HK1: variants seen among roughly 807,000 people sequenced by gnomAD.
The protein encoded by HK1 is hexokinase-1.
A neutral mutation model predicts 91.6 loss-of-function variants in HK1; 28 were observed. The ratio of observed to expected loss-of-function variants is 0.31; its 90% confidence interval spans 0.23 to 0.42. The LOEUF (loss-of-function observed/expected upper bound fraction) is 0.42. Among genes scored for constraint, HK1 ranks in the 10% least tolerant of loss-of-function variants. The pLI, the probability that HK1 is intolerant of heterozygous loss-of-function variation, is 1.00. For synonymous variants in HK1, 430 were observed against 468.1 expected, an observed-to-expected ratio of 0.92 and a Z score of 1.05; for missense variants, 770 against 1,219.8, an observed-to-expected ratio of 0.63 and a Z score of 5.49.
At chr10:69,329,289 A>C (rs1457756964) in intron 1 of HK1, among the ~76,000 whole-genome samples, 5 of 151,804 alleles carry the variant, frequency 3.3e-5, no homozygotes, top group African/African-American at 1.2e-4. Flanking sequence ...CAGCCTCCCA[A>C]GTAGCTGGGA....
upstream of HK1, among the ~76,000 whole-genome samples, chr10:69,314,917 C>T (rs1589469451): frequency 6.6e-6 from 1 of 152,194 alleles, no homozygotes; most frequent in South Asian, 2.1e-4. Context: ...CCTCCCACCT[C>T]AGCCTCCCAA....
intron 2 of HK1, among the ~76,000 whole-genome samples, chr10:69,285,673 G>C (rs1462272915): frequency 2.0e-5 from 3 of 152,094 alleles, no homozygotes; most frequent in African/African-American, 7.2e-5. Context: ...AGGGAGAGAG[G>C]GGCACAGTTC....
At chr10:69,391,050 A>C (rs1839873966) in intron 14 of HK1, among the ~76,000 whole-genome samples, 1 of 152,118 alleles carries the variant, frequency 6.6e-6, no homozygotes, top group Non-Finnish European at 1.5e-5. Context: ...TTCTATTTTG[A>C]GTGACTCTGC....
At chr10:69,281,510 C>A (rs10998691) in intron 1 of HK1, among the ~76,000 whole-genome samples, 18,316 of 152,278 alleles carry the variant, frequency 0.12, 1,468 homozygotes, top group Middle Eastern at 0.19. Flanking sequence ...TGACTTAGAC[C>A]AATGTGTCCC....
Position 69,295,661 on chromosome 10 carries a change from A to G in HK1, c.-86A>G. 3 of 1,607,414 alleles carry G rather than the reference A, an allele frequency of 1.9e-6. No individual in the cohort carries two copies. In the South Asian group the frequency reaches 3.3e-5, roughly 18 times the overall value. The stretch of plus-strand genomic sequence containing the variant: ...ACAGCAGCTGAAAAACCAAAACTTC[A>G]TCTACTTGCTGAAAGTGAGGTAAGA... On this transcript the variant is annotated 5_prime_UTR_variant, in exon 4 of 22. Coordinates refer to the HK1 transcript ENST00000360289.
chr10:69,317,028 T>A (rs1283674439), upstream of HK1, among the ~76,000 whole-genome samples: 1 of 152,190 alleles, frequency 6.6e-6, no homozygotes, highest in East Asian at 1.9e-4. Flanking sequence ...CCAGGGCAAA[T>A]CCAGGTTTTG....
chr10:69,320,847 T>A (rs956861977), intron 1 of HK1, among the ~76,000 whole-genome samples: 2 of 152,086 alleles, frequency 1.3e-5, no homozygotes, highest in Admixed American at 1.3e-4. Flanking sequence ...ACATACAGTG[T>A]CTAGGGTGGG....
intron 4 of HK1, among the ~76,000 whole-genome samples, chr10:69,365,302 G>A (rs1849644573): frequency 6.6e-6 from 1 of 152,094 alleles, no homozygotes; most frequent in African/African-American, 2.4e-5. Context: ...TCCCTCAGGT[G>A]CCAGGGCTGC....
intron 14 of HK1, among the ~76,000 whole-genome samples, chr10:69,389,954 C>T (rs10047284): frequency 0.094 from 14,349 of 152,106 alleles, 2,240 homozygotes; most frequent in African/African-American, 0.33. Context: ...GTCCTGCTGG[C>T]CCTGCTCCTC....
intron 13 of HK1, among the ~76,000 whole-genome samples, chr10:69,388,078 A>C (rs7902303): frequency 0.019 from 2,949 of 152,240 alleles, 96 homozygotes; most frequent in African/African-American, 0.068. Flanking sequence ...TAGAAAAAAA[A>C]CAAAAAGGGC....
Position 69,394,969 on chromosome 10 carries a change from G to A in HK1, c.2239G>A (p.Gly747Ser). 6.2e-7 allele frequency: 1 copy of A among 1,614,108 alleles called. No homozygotes were observed. The highest frequency in any genetic ancestry group is 8.5e-7 in the Non-Finnish European group (1 of 1,180,022). The change falls in exon 16 of 18, where the codon GGT becomes AGT. Residue 747 changes from glycine to serine, a missense_variant. By Grantham distance (56) the Gly-to-Ser change is moderately conservative (BLOSUM62 0). Coordinates refer to ENST00000359426, the MANE Select transcript of HK1 (RefSeq NM_000188.3). ...GKQRYEKMIS[G>S]MYLGEIVRNI... ...TCTCAGGTATGAGAAGATGATCAGTGGTATGTACCTGGGTGAAATCGTCCG... is the reference window on the plus strand; with the variant it reads ...TCTCAGGTATGAGAAGATGATCAGTAGTATGTACCTGGGTGAAATCGTCCG...
intron 1 of HK1, among the ~76,000 whole-genome samples, chr10:69,324,769 C>A (rs1394149030): frequency 6.6e-6 from 1 of 152,154 alleles, no homozygotes; most frequent in Non-Finnish European, 1.5e-5. Flanking sequence ...ATCCCCAGTT[C>A]TGGGGATGTG....
chr10:69,301,321 C>G (rs1319427548), intron 5 of HK1, among the ~76,000 whole-genome samples: 1 of 149,176 alleles, frequency 6.7e-6, no homozygotes, highest in Non-Finnish European at 1.5e-5. Context: ...ATTAAGAAAA[C>G]AATTCCTGGC....
At chr10:69,392,011 A>C in intron 14 of HK1, 114 bp from the exon 15 acceptor site, 2 of 955,048 alleles carry the variant, frequency 2.1e-6, no homozygotes, top group Non-Finnish European at 3.3e-6. Flanking sequence ...TACTTTGTTC[A>C]TCACAAAAAA....
At chr10:69,345,005 A>G (rs1190838580) in intron 2 of HK1, among the ~76,000 whole-genome samples, 2 of 151,814 alleles carry the variant, frequency 1.3e-5, no homozygotes, top group African/African-American at 4.8e-5. Context: ...TATTTAAAGG[A>G]GTGATTTGGG....
chr10:69,322,719 C>T (rs866298240), intron 1 of HK1, among the ~76,000 whole-genome samples: 1 of 151,302 alleles, frequency 6.6e-6, no homozygotes, highest in Non-Finnish European at 1.5e-5. Context: ...GGAGAAACCC[C>T]GTCTCTACTA....
intron 3 of HK1, among the ~76,000 whole-genome samples, chr10:69,360,367 C>T (rs1440445284): frequency 1.3e-5 from 2 of 152,194 alleles, no homozygotes; most frequent in Non-Finnish European, 2.9e-5. Flanking sequence ...ATCCTGGGGT[C>T]GGTTCCCCAG....
chr10:69,319,168 T>C (rs1428791768), intron 1 of HK1, 158 bp downstream of exon 1: 2 of 866,670 alleles, frequency 2.3e-6, no homozygotes, highest in Non-Finnish European at 3.7e-6. Context: ...CCTTCGATTC[T>C]ACCGGCATTG....
intron 2 of HK1, among the ~76,000 whole-genome samples, chr10:69,283,124 C>CAA (rs34547808): frequency 0.012 from 746 of 60,766 alleles, 16 homozygotes; most frequent in East Asian, 0.044. Flanking sequence ...AACTCAGTTT[C>CAA]AAAAAAAAAA....
Sources: gnomAD v4.1 joint callset for allele counts (sites outside exome capture counted in the v4.1 genomes callset) on GRCh38, gnomAD v4.1.1 for gene constraint, MANE v1.5 for transcripts, NCBI Gene and HGNC (gene_info 2026-07-23, HGNC 2026-07-21) for gene names.